MROH1: variants seen among roughly 807,000 people sequenced by gnomAD.
The protein encoded by MROH1 is maestro heat like repeat family member 1.
MROH1 carries 117 observed loss-of-function variants against 116.5 expected under a neutral mutation model. That is an observed-to-expected ratio of 1.00 (90% CI 0.86 to 1.17). The LOEUF (loss-of-function observed/expected upper bound fraction) is 1.17, where lower values mean the gene tolerates loss of function less well. Ranked by LOEUF, MROH1 falls within the 50% of genes most tolerant of loss-of-function variation. The pLI is 0.00. For synonymous variants in MROH1, 921 were observed against 583.9 expected, an observed-to-expected ratio of 1.58 and a Z score of -8.32; for missense variants, 1,873 against 1,338.5, an observed-to-expected ratio of 1.40 and a Z score of -6.23.
chr8:144,224,712 G>A (rs138415620), intron 14 of MROH1, among the ~76,000 whole-genome samples: 46 of 152,322 alleles, frequency 3.0e-4, no homozygotes, highest in Admixed American at 6.5e-4. Flanking sequence ...AAAAAGCAAA[G>A]CAGGACATGT....
At chr8:144,229,995 C>A (rs1197617099) in intron 14 of MROH1, among the ~76,000 whole-genome samples, 1 of 152,042 alleles carries the variant, frequency 6.6e-6, no homozygotes, top group Non-Finnish European at 1.5e-5. Flanking sequence ...GATGGCGCCA[C>A]TGCACTCTAG....
At chr8:144,208,651 A>G (rs761665886) in intron 12 of MROH1, among the ~76,000 whole-genome samples, 21 of 152,180 alleles carry the variant, frequency 1.4e-4, no homozygotes, top group Non-Finnish European at 2.2e-4. Flanking sequence ...CCACAATTCA[A>G]CTTATAGCAT....
intron 17 of MROH1, 48 bp from the exon 18 acceptor site, chr8:144,239,566 G>T: frequency 2.6e-6 from 2 of 766,904 alleles, no homozygotes; most frequent in South Asian, 1.4e-5. Flanking sequence ...TTGTGGGCAT[G>T]ACCAGTGCTC....
chr8:144,233,565 C>T (rs1205688058), intron 14 of MROH1, among the ~76,000 whole-genome samples: 1 of 152,024 alleles, frequency 6.6e-6, no homozygotes, highest in Non-Finnish European at 1.5e-5. Flanking sequence ...AATTTCACTG[C>T]TCGAGGCACT....
intron 7 of MROH1, among the ~76,000 whole-genome samples, chr8:144,183,655 CTTT>C (rs897012282): frequency 6.8e-6 from 1 of 147,570 alleles, no homozygotes; most frequent in African/African-American, 2.5e-5. Context: ...TTTCTTTTTT[CTTT>C]TTTTTTGAGA....
At chr8:144,260,414 C>A in intron 39 of MROH1, 40 bp downstream of exon 39, 1 of 702,764 alleles carries the variant, frequency 1.4e-6, no homozygotes, top group Non-Finnish European at 2.6e-6. Flanking sequence ...AGGGCCCCAG[C>A]CCTTCCTGCC....
chr8:144,239,667 C>T lies in MROH1; in HGVS notation c.1686C>T (p.Arg562=). The change falls in exon 18 of 44, where the codon CGC becomes CGT. Residue 562 remains arginine, a synonymous_variant. Coordinates refer to ENST00000326134, the MANE Select transcript of MROH1 (RefSeq NM_032450.3). ...ACGGACGTGGGGCAGCGGCGCTGCG[C>T]CTCCTCAGTGTTCTGCACCCAAACA... ...LGDGRGAAAL[R]LLSVLHPNIH... The T allele has an allele frequency of 1.3e-6, 1 of 760,866 alleles. No homozygotes were observed. The highest frequency in any genetic ancestry group is 2.4e-6 in the Non-Finnish European group (1 of 408,884). 47.1% of individuals were successfully genotyped at this position (760,866 alleles called of 1,614,324 possible). A position where few individuals can be genotyped will look rare whatever the true frequency, so the allele number is the denominator to read the frequency against.
intron 15 of MROH1, 81 bp from the exon 16 acceptor site, chr8:144,238,954 C>G (rs982762502): frequency 3.9e-6 from 3 of 769,812 alleles, no homozygotes. Flanking sequence ...GGGTCTGTCT[C>G]CACCTTGGAG....
intron 12 of MROH1, among the ~76,000 whole-genome samples, chr8:144,209,027 TTGTGTGTGTGTGTGTGTGTGTGTGTG>T (rs71320812): frequency 7.1e-6 from 1 of 141,642 alleles, no homozygotes; most frequent in East Asian, 2.1e-4. Context: ...CTCGGCCATT[TTGTGTGTGTGTGTGTGTGTGTGTGTG>T]TGTGTGTGTG....
At chr8:144,161,773 C>T (rs1167334618) in intron 2 of MROH1, among the ~76,000 whole-genome samples, 2 of 152,178 alleles carry the variant, frequency 1.3e-5, no homozygotes, top group Admixed American at 6.5e-5. Flanking sequence ...GCTGCACGGT[C>T]GTGGACTGGC....
intron 1 of MROH1, among the ~76,000 whole-genome samples, chr8:144,152,202 T>G (rs2130504107): frequency 6.6e-6 from 1 of 152,332 alleles, no homozygotes; most frequent in African/African-American, 2.4e-5. Flanking sequence ...CAGCCTGCAA[T>G]TTAAAACATG....
intron 14 of MROH1, among the ~76,000 whole-genome samples, chr8:144,236,896 CTTTTTTTT>C (rs1164804321): frequency 1.0e-4 from 7 of 69,328 alleles, no homozygotes; most frequent in African/African-American, 2.9e-4. Flanking sequence ...TCTCCTATTC[CTTTTTTTT>C]TTTTTTTTTT....
chr8:144,244,683 T>C, intron 28 of MROH1, 144 bp downstream of exon 28: 1 of 665,948 alleles, frequency 1.5e-6, no homozygotes, highest in East Asian at 2.7e-5. Context: ...AACAGGCAGG[T>C]GCACCCCCTC....
At position 144,163,819 on chromosome 8, in the gene MROH1, C is replaced by G; in HGVS notation, c.-8C>G. The G allele has an allele frequency of 6.2e-7, 1 of 1,613,586 alleles. No homozygotes were observed. The highest frequency in any genetic ancestry group is 8.5e-7 in the Non-Finnish European group (1 of 1,179,658). On this transcript the variant is annotated 5_prime_UTR_variant, in exon 3 of 44. Transcript: ENST00000326134. This position sits in a 1 kb window ranked among gnomAD's most constrained non-coding sequence, Gnocchi z 4.4. ...TCACACTGGGTGAAGGAAGCTGAAA[C>G]CACAGACATGACTGAGTCCTCCATG...
Position 144,243,910 on chromosome 8 carries a change from G to A in MROH1, c.2523G>A (p.Arg841=), listed in dbSNP as rs1388614127. 1 of 780,540 alleles carries A rather than the reference G, an allele frequency of 1.3e-6. No individual in the cohort carries two copies. The highest frequency in any genetic ancestry group is 1.3e-5 in the South Asian group (1 of 74,584). The allele number at this position is 780,540 out of a possible 1,614,324, so 48.4% of individuals were successfully genotyped here. ...EPPDSLRTPI[R]KKAMLTCTYL... ...CGGACTCCTTGAGGACACCTATTCGGAAGAAAGCCATGCTCACCTGCACTT... is the reference window on the plus strand; with the variant it reads ...CGGACTCCTTGAGGACACCTATTCGAAAGAAAGCCATGCTCACCTGCACTT... The change falls in exon 26 of 44, where the codon CGG becomes CGA. Residue 841 remains arginine, a synonymous_variant. Coordinates refer to ENST00000326134, the MANE Select transcript of MROH1 (RefSeq NM_032450.3).
At chr8:144,159,854 G>A (rs921703242) in intron 1 of MROH1, among the ~76,000 whole-genome samples, 2 of 144,092 alleles carry the variant, frequency 1.4e-5, no homozygotes, top group African/African-American at 2.6e-5. Flanking sequence ...TGCAAGCTCC[G>A]CCTCCCGGGT....
Position 144,259,290 on chromosome 8 carries a change from T to C in MROH1, c.3980T>C (p.Leu1327Pro), listed in dbSNP as rs1844514742. The change falls in exon 37 of 44, where the codon CTG becomes CCG. Residue 1327 changes from leucine to proline, a missense_variant. Transcript: ENST00000326134. ...CGACTCCCCCTGGTGCTGAAGACGC[T>C]GGCATGCACACACAGCAGTGCGTAT... ...GPRLPLVLKT[L>P]ACTHSSAYEN... 2 of 714,942 alleles carry C rather than the reference T, an allele frequency of 2.8e-6. No homozygotes were observed. Among genetic ancestry groups the C allele is most frequent in the Admixed American group, 2.0e-5 (1 of 49,996 alleles). 44.3% of individuals were successfully genotyped at this position (714,942 alleles called of 1,614,324 possible).
In MROH1 at chr8:144,236,492, G is replaced by A. The variant is rs1218185657; in HGVS notation, c.1339-2264G>A. Among the ~76,000 whole-genome samples, 6 of 152,288 alleles carry A rather than the reference G, an allele frequency of 3.9e-5. No individual in the cohort carries two copies. In the East Asian group the frequency reaches 5.8e-4, roughly 15 times the overall value. On this transcript the variant is annotated intron_variant, in intron 14 of 43. Coordinates refer to ENST00000326134, the MANE Select transcript of MROH1 (RefSeq NM_032450.3). Reference sequence around the variant, plus strand: ...GCGGTGGCTCACGCCTGTAATCCCAGCACTTTGGGAGGCCGAGGTGGGTGG... The same window carrying A: ...GCGGTGGCTCACGCCTGTAATCCCAACACTTTGGGAGGCCGAGGTGGGTGG...
intron 14 of MROH1, 37 bp downstream of exon 14, chr8:144,223,267 C>T (rs777823002): frequency 2.1e-5 from 33 of 1,564,036 alleles, no homozygotes; most frequent in Non-Finnish European, 2.5e-5. Flanking sequence ...CCTAGGCCCA[C>T]GCTGCCCCTG....
Sources: gnomAD v4.1 joint callset for allele counts (sites outside exome capture counted in the v4.1 genomes callset) on GRCh38, gnomAD v4.1.1 for gene constraint, Gnocchi (gnomAD v3.1) non-coding constraint, MANE v1.5 for transcripts, NCBI Gene and HGNC (gene_info 2026-07-23, HGNC 2026-07-21) for gene names.